Variants in MDFIC observed in about 807,000 individuals in gnomAD.
MDFIC encodes myoD family inhibitor domain-containing protein.
A neutral mutation model predicts 23.2 loss-of-function variants in MDFIC; 17 were observed. The observed-to-expected ratio is 0.73, with a 90% CI of 0.50 to 1.10. The LOEUF (loss-of-function observed/expected upper bound fraction) is 1.10, where lower values mean the gene tolerates loss of function less well. Ranked by LOEUF, MDFIC falls within the 50% of genes least tolerant of loss-of-function variation. MDFIC has a pLI of 0.00. For synonymous variants in MDFIC, 120 were observed against 115.2 expected, an observed-to-expected ratio of 1.04 and a Z score of -0.27; for missense variants, 356 against 316.6, an observed-to-expected ratio of 1.12 and a Z score of -0.95.
intron 4 of MDFIC, among the ~76,000 whole-genome samples, chr7:115,007,628 GTGTATATATATATA>G (rs1791596042): frequency 2.5e-5 from 1 of 39,956 alleles, no homozygotes; most frequent in South Asian, 1.0e-3. Flanking sequence ...GTGCGTGTGT[GTGTATATATATATA>G]TATATATATA....
In MDFIC at chr7:114,923,466, C is replaced by A. The variant is rs1157105539; in HGVS notation, c.94+339C>A. On this transcript the variant is annotated intron_variant, in intron 2 of 4. Coordinates refer to ENST00000393486, the MANE Select transcript of MDFIC (RefSeq NM_001166345.3). ...GAAGCGCTTCTCCTCTAGGTCTCTT[C>A]AGCAGATCCAGGACTGCCGCAGCTC... 1.7e-5 allele frequency: 26 copies of A among 1,537,740 alleles called. No homozygotes were observed. In the East Asian group the frequency reaches 6.4e-4, roughly 38 times the overall value.
chr7:114,942,640 C>T (rs2594460), intron 3 of MDFIC, among the ~76,000 whole-genome samples: 137,554 of 152,192 alleles, frequency 0.9, 62,396 homozygotes, highest in East Asian at 1. Flanking sequence ...CAGAGAGATT[C>T]AGTCAAAATT....
Position 114,922,434 on chromosome 7 carries a change from C to CGCCACCGCTGCCGCAGTT in MDFIC, c.-306_-289dup. On this transcript the variant is annotated 5_prime_UTR_variant, in exon 1 of 5. Coordinates refer to ENST00000393486, the MANE Select transcript of MDFIC (RefSeq NM_001166345.3). ...GGGGCGGAGTGCGCGGAGTCAGAGC[C>CGCCACCGCTGCCGCAGTT]GCCACCGCTGCCGCAGTTGCCGCCA... 8.1e-7 allele frequency: 1 copy of CGCCACCGCTGCCGCAGTT among 1,241,974 alleles called. No homozygotes were observed. Among genetic ancestry groups the CGCCACCGCTGCCGCAGTT allele is most frequent in the Non-Finnish European group, 1.0e-6 (1 of 989,020 alleles). 76.9% of individuals were successfully genotyped at this position (1,241,974 alleles called of 1,614,324 possible). A position where few individuals can be genotyped will look rare whatever the true frequency, so the allele number is the denominator to read the frequency against.
chr7:114,949,707 A>G (rs552025724), intron 3 of MDFIC, among the ~76,000 whole-genome samples: 7 of 152,260 alleles, frequency 4.6e-5, no homozygotes, highest in Non-Finnish European at 8.8e-5. Flanking sequence ...GAGACAATTT[A>G]TTGTGATATG....
At chr7:114,955,580 C>T (rs939134965) in intron 3 of MDFIC, among the ~76,000 whole-genome samples, 5 of 152,186 alleles carry the variant, frequency 3.3e-5, no homozygotes, top group African/African-American at 4.8e-5. Flanking sequence ...GACCCCACAT[C>T]CCTCAGCCCA....
Position 114,977,589 on chromosome 7 carries a change from C to A in MDFIC, c.218-1917C>A, listed in dbSNP as rs142357936. 4.5e-3 allele frequency among the ~76,000 whole-genome samples: 681 copies of A among 152,290 alleles called. 3 individuals are homozygous for A. Among genetic ancestry groups the A allele is most frequent in the African/African-American group, 0.016 (656 of 41,560 alleles). On this transcript the variant is annotated intron_variant, in intron 3 of 4. Coordinates refer to ENST00000393486, the MANE Select transcript of MDFIC (RefSeq NM_001166345.3). ...CTTAGGTCACATCCTTGTCCTCTAG[C>A]TCCAGAGTAGCCTAGGGATGTCGTA...
rs371652070 is a variant in MDFIC at position 114,926,077 on chromosome 7, G to A, written c.94+2950G>A. ...TGTGTGGTCCCTGTAATTGCCATTTGTCCTGGTTTGATTAAACATTTTAAA... is the reference window on the plus strand; with the variant it reads ...TGTGTGGTCCCTGTAATTGCCATTTATCCTGGTTTGATTAAACATTTTAAA... On this transcript the variant is annotated intron_variant, in intron 2 of 4. Transcript: ENST00000393486. 1.6e-4 allele frequency among the ~76,000 whole-genome samples: 24 copies of A among 152,216 alleles called. No homozygotes were observed. The East Asian group carries it at 4.4e-3, about 28-fold the overall frequency.
chr7:114,979,484 C>G (rs747160931), intron 3 of MDFIC, 22 bp from the exon 4 acceptor site: 1 of 1,567,056 alleles, frequency 6.4e-7, no homozygotes, highest in Admixed American at 2.0e-5. Context: ...AACTGGCTGA[C>G]TTTTTCCTGT....
intron 4 of MDFIC, among the ~76,000 whole-genome samples, chr7:115,010,228 T>G (rs568887919): frequency 6.6e-6 from 1 of 152,332 alleles, no homozygotes; most frequent in South Asian, 2.1e-4. Flanking sequence ...GTGCCTTTTA[T>G]GACTCTTGAT....
intron 3 of MDFIC, among the ~76,000 whole-genome samples, chr7:114,967,679 A>T (rs1256422147): frequency 1.3e-5 from 2 of 151,230 alleles, no homozygotes; most frequent in African/African-American, 4.8e-5. Context: ...CATAGTATAT[A>T]AAAAAAAATT....
At chr7:114,948,858 T>A (rs771495038) in intron 3 of MDFIC, among the ~76,000 whole-genome samples, 11 of 152,218 alleles carry the variant, frequency 7.2e-5, no homozygotes, top group Non-Finnish European at 1.0e-4. Context: ...ACAAGTTATA[T>A]ACAAACGAAT....
chr7:115,009,523 T>C (rs918697852), intron 4 of MDFIC, among the ~76,000 whole-genome samples: 1 of 152,214 alleles, frequency 6.6e-6, no homozygotes, highest in African/African-American at 2.4e-5. Flanking sequence ...GGTATCCGTA[T>C]CAATTGGGAT....
Position 115,015,567 on chromosome 7 carries a change from C to T in MDFIC, c.494-121C>T, listed in dbSNP as rs557840335. ...TTGAGCTTCCAGCTCACAAAGCAAA[C>T]TTCATTTGGGTTGTGGATTACTTAA... On this transcript the variant is annotated intron_variant, in intron 4 of 4. Transcript: ENST00000393486. 8.3e-5 allele frequency: 112 copies of T among 1,347,420 alleles called. No individual in the cohort carries two copies. The South Asian group carries it at 1.5e-3, about 18-fold the overall frequency. The allele number at this position is 1,347,420 out of a possible 1,614,324, so 83.5% of individuals were successfully genotyped here.
At chr7:114,994,904 G>T (rs1357388180) in intron 4 of MDFIC, among the ~76,000 whole-genome samples, 2 of 152,200 alleles carry the variant, frequency 1.3e-5, no homozygotes. Flanking sequence ...TGCCTTGCTA[G>T]GTTGGGGATG....
chr7:114,983,660 C>T (rs1466808419), intron 4 of MDFIC, among the ~76,000 whole-genome samples: 2 of 150,384 alleles, frequency 1.3e-5, no homozygotes, highest in East Asian at 2.0e-4. Context: ...CTCTGCCACC[C>T]GAATTCAAGC....
chr7:114,952,124 C>T (rs1258361640), intron 3 of MDFIC, among the ~76,000 whole-genome samples: 1 of 152,172 alleles, frequency 6.6e-6, no homozygotes, highest in Non-Finnish European at 1.5e-5. Context: ...ATTGTTTTAT[C>T]AGCAAATTCC....
rs1029771751 is a variant in MDFIC, at chr7:114,965,522, T to G, written c.218-13984T>G. Among the ~76,000 whole-genome samples, 23 of 152,290 alleles carry G rather than the reference T, an allele frequency of 1.5e-4. No homozygotes were observed. The East Asian group carries it at 4.2e-3, about 28-fold the overall frequency. The stretch of plus-strand genomic sequence containing the variant: ...GATAAGAGATGATGAGGACTTAAAC[T>G]GATGTTGACCAGGTAGACGGAGGGG... On this transcript the variant is annotated intron_variant, in intron 3 of 4. Transcript: ENST00000393486.
intron 2 of MDFIC, among the ~76,000 whole-genome samples, chr7:114,940,961 A>G (rs1002349966): frequency 6.6e-6 from 1 of 151,850 alleles, no homozygotes; most frequent in East Asian, 2.0e-4. Context: ...ATCAACTTCA[A>G]TATGGGCTTT....
At chr7:114,961,596 G>C (rs1255064903) in intron 3 of MDFIC, among the ~76,000 whole-genome samples, 1 of 152,132 alleles carries the variant, frequency 6.6e-6, no homozygotes, top group Non-Finnish European at 1.5e-5. Flanking sequence ...GTTTTCTCAT[G>C]CATATGCATG....
Sources: gnomAD v4.1 joint callset for allele counts (sites outside exome capture counted in the v4.1 genomes callset) on GRCh38, gnomAD v4.1.1 for gene constraint, MANE v1.5 for transcripts, NCBI Gene and HGNC (gene_info 2026-07-23, HGNC 2026-07-21) for gene names.